The following CDH13 variants were observed in gnomAD, a reference collection of about 807,000 sequenced individuals.
CDH13 encodes cadherin-13.
Under a neutral mutation model 63.8 loss-of-function variants are expected in CDH13, and 24 were observed. The observed-to-expected ratio is 0.38, with a 90% confidence interval of 0.27 to 0.53. CDH13 has a LOEUF of 0.53. CDH13 is among the 20% of genes least tolerant of loss of function. CDH13 has a pLI of 0.85. For synonymous variants in CDH13, 503 were observed against 355.3 expected, an observed-to-expected ratio of 1.42 and a Z score of -4.67; for missense variants, 1,049 against 903.1, an observed-to-expected ratio of 1.16 and a Z score of -2.07.
At chr16:83,466,284 G>A (rs573661649) in intron 6 of CDH13, among the ~76,000 whole-genome samples, 1 of 152,334 alleles carries the variant, frequency 6.6e-6, no homozygotes, top group East Asian at 1.9e-4. Flanking sequence ...GGTTCAAGAG[G>A]CTGAAGAAGA....
In CDH13 at chr16:82,664,917, A is replaced by ATG. The variant is rs547438399; in HGVS notation, c.45+37790_45+37791dup. On this transcript the variant is annotated intron_variant, in intron 1 of 13. Transcript: ENST00000567109. Reference sequence around the variant, plus strand: ...TGAATACATGTATATATGCATATATATGTGTGTGTGTAATTGATTCTCATT... The same window carrying ATG: ...TGAATACATGTATATATGCATATATATGTGTGTGTGTGTAATTGATTCTCATT... Among the ~76,000 whole-genome samples, 304 of 152,232 alleles carry ATG rather than the reference A, an allele frequency of 2.0e-3. 2 individuals are homozygous for ATG. The highest frequency in any genetic ancestry group is 7.1e-3 in the African/African-American group (294 of 41,552).
intron 2 of CDH13, among the ~76,000 whole-genome samples, chr16:82,885,921 T>C (rs2040872447): frequency 6.6e-6 from 1 of 152,206 alleles, no homozygotes; most frequent in African/African-American, 2.4e-5. Context: ...GAGGAAGTTC[T>C]CAGTAAATAT....
At chr16:83,625,646 G>C (rs188109240) in intron 8 of CDH13, among the ~76,000 whole-genome samples, 1 of 152,192 alleles carries the variant, frequency 6.6e-6, no homozygotes, top group African/African-American at 2.4e-5. Context: ...CTTCGAAAAA[G>C]TGGTGGGTCT....
Position 83,467,764 on chromosome 16 carries a change from G to A in CDH13, c.782-18713G>A, listed in dbSNP as rs141068889. The stretch of plus-strand genomic sequence containing the variant: ...CTCAGGACCCAACCCACCACACACC[G>A]GCTGTGTAACCCTGAGCCAGTCACT... On this transcript the variant is annotated intron_variant, in intron 6 of 13. Transcript: ENST00000567109. 8.5e-5 allele frequency among the ~76,000 whole-genome samples: 13 copies of A among 152,196 alleles called. No individual in the cohort carries two copies. The East Asian group carries it at 1.2e-3, about 14-fold the overall frequency.
rs77180828 is a variant in CDH13, at chr16:82,872,787, G to A, written c.157+14314G>A. ...AATAGGGAATGGAAAAGGAAAAGAT[G>A]TATATTGAGTCCCTACCACTCATTT... On this transcript the variant is annotated intron_variant, in intron 2 of 13. Transcript: ENST00000567109. Among the ~76,000 whole-genome samples, 82 of 152,280 alleles carry A rather than the reference G, an allele frequency of 5.4e-4. No homozygotes were observed. In the East Asian group the frequency reaches 0.015, roughly 28 times the overall value.
At position 83,130,558 on chromosome 16, in the gene CDH13, G is replaced by T. The variant is rs1161450888; in HGVS notation, c.483+5057G>T. 1.3e-5 allele frequency among the ~76,000 whole-genome samples: 2 copies of T among 152,220 alleles called. 1 individual carries two copies. Among genetic ancestry groups the T allele is most frequent in the Non-Finnish European group, 2.9e-5 (2 of 68,038 alleles). ...CGATATCTGATATGTGATAAAGGAA[G>T]TATATTAAAATGTTAGTGGTAGAAT... On this transcript the variant is annotated intron_variant, in intron 4 of 13. Coordinates refer to ENST00000567109, the MANE Select transcript of CDH13 (RefSeq NM_001257.5).
chr16:83,796,701 C>G lies in CDH13; in HGVS notation c.*1671C>G, dbSNP rs1404994603. On this transcript the variant is annotated 3_prime_UTR_variant, in exon 14 of 14. Coordinates refer to ENST00000567109, the MANE Select transcript of CDH13 (RefSeq NM_001257.5). The stretch of plus-strand genomic sequence containing the variant: ...ACATTTTTGACAGACCATTTGGGGT[C>G]CGTCGTACATCTCTGGTTGGTGAGT... 1 of 152,104 alleles carries G rather than the reference C, an allele frequency of 6.6e-6. No individual in the cohort carries two copies. The highest frequency in any genetic ancestry group is 2.4e-5 in the African/African-American group (1 of 41,402). 9.4% of individuals were successfully genotyped at this position (152,104 alleles called of 1,614,324 possible).
chr16:82,919,377 A>C (rs749747505), intron 2 of CDH13, among the ~76,000 whole-genome samples: 17 of 152,024 alleles, frequency 1.1e-4, no homozygotes, highest in Admixed American at 2.0e-4. Flanking sequence ...CCACCCTCAA[A>C]TAGGTCCCAG....
At chr16:83,050,534 T>A (rs530210796) in intron 3 of CDH13, among the ~76,000 whole-genome samples, 1 of 152,328 alleles carries the variant, frequency 6.6e-6, no homozygotes, top group South Asian at 2.1e-4. Flanking sequence ...TTCTTATTCC[T>A]CCTGCCATTG....
intron 2 of CDH13, among the ~76,000 whole-genome samples, chr16:82,987,951 C>T (rs1241248122): frequency 6.6e-6 from 1 of 152,178 alleles, no homozygotes; most frequent in Non-Finnish European, 1.5e-5. Context: ...GATGAGTCAA[C>T]AGTGCCTCGT....
intron 4 of CDH13, among the ~76,000 whole-genome samples, chr16:83,215,995 T>G: frequency 7.0e-6 from 1 of 143,438 alleles, no homozygotes; most frequent in East Asian, 2.3e-4. Context: ...CCACCCCCCA[T>G]ACTTTGACCC....
intron 10 of CDH13, among the ~76,000 whole-genome samples, chr16:83,686,289 G>A (rs571954386): frequency 6.6e-6 from 1 of 152,300 alleles, no homozygotes; most frequent in Non-Finnish European, 1.5e-5. Flanking sequence ...GAGACTTTGT[G>A]CTCAGGGAGA....
chr16:82,932,652 A>G (rs963600458), intron 2 of CDH13, among the ~76,000 whole-genome samples: 4 of 152,202 alleles, frequency 2.6e-5, no homozygotes, highest in African/African-American at 9.7e-5. Flanking sequence ...TATTTACTTG[A>G]GGAAGTATTT....
chr16:82,858,316 A>T, intron 1 of CDH13, 46 bp from the exon 2 acceptor site: 1 of 1,322,150 alleles, frequency 7.6e-7, no homozygotes, highest in South Asian at 1.2e-5. Context: ...TAGCAGGGCA[A>T]ACACATAAGC....
chr16:83,056,028 C>G (rs1459665700), intron 3 of CDH13, among the ~76,000 whole-genome samples: 1 of 152,048 alleles, frequency 6.6e-6, no homozygotes, highest in African/African-American at 2.4e-5. Flanking sequence ...GAGAACCCAA[C>G]TAACAATGGA....
rs540567404 is a variant in CDH13, at chr16:82,767,559, C to T, written c.46-90803C>T. 3.3e-5 allele frequency among the ~76,000 whole-genome samples: 5 copies of T among 152,326 alleles called. No individual in the cohort carries two copies. In the South Asian group the frequency reaches 1.0e-3, roughly 32 times the overall value. On this transcript the variant is annotated intron_variant, in intron 1 of 13. Transcript: ENST00000567109. ...CCAGATTTAAATTCCCTGTGCCAAA[C>T]ACATTGTGTGCTCCTGGTCCCTGCC...
In CDH13 at chr16:83,454,714, A is replaced by AT. The variant is rs34207129; in HGVS notation, c.782-31751dup. ...TGTAGAACCTAAATATGTTCTATTG[A>AT]TTTTTTTTTTTTGATATAGAGTCTT... is the stretch of plus-strand genomic sequence containing the variant. On this transcript the variant is annotated intron_variant, in intron 6 of 13. Coordinates refer to ENST00000567109, the MANE Select transcript of CDH13 (RefSeq NM_001257.5). 7.3e-3 allele frequency among the ~76,000 whole-genome samples: 1,094 copies of AT among 149,944 alleles called. 15 individuals are homozygous for AT. The highest frequency in any genetic ancestry group is 0.024 in the African/African-American group (983 of 40,836).
intron 2 of CDH13, among the ~76,000 whole-genome samples, chr16:82,862,258 C>G (rs902990985): frequency 7.2e-5 from 11 of 152,170 alleles, no homozygotes; most frequent in African/African-American, 2.7e-4. Flanking sequence ...AACAGAAGAT[C>G]CCCAGTCTTA....
intron 1 of CDH13, among the ~76,000 whole-genome samples, chr16:82,801,502 A>G (rs1389873220): frequency 6.6e-6 from 1 of 152,342 alleles, no homozygotes; most frequent in Middle Eastern, 3.4e-3. Flanking sequence ...TCCAGAAATG[A>G]TCAGATTCAG....
Sources: gnomAD v4.1 joint callset for allele counts (sites outside exome capture counted in the v4.1 genomes callset) on GRCh38, gnomAD v4.1.1 for gene constraint, MANE v1.5 for transcripts, NCBI Gene and HGNC (gene_info 2026-07-23, HGNC 2026-07-21) for gene names.